Variants in MPHOSPH8 observed in about 807,000 individuals in gnomAD.
MPHOSPH8 encodes the protein M-phase phosphoprotein, mpp.
Under a neutral mutation model 87.3 loss-of-function variants are expected in MPHOSPH8, and 45 were observed. The ratio of observed to expected loss-of-function variants is 0.52; its 90% confidence interval spans 0.41 to 0.66. The LOEUF (loss-of-function observed/expected upper bound fraction) is 0.66, where lower values mean the gene tolerates loss of function less well. Ranked by LOEUF, MPHOSPH8 falls within the 30% of genes least tolerant of loss-of-function variation. MPHOSPH8 has a pLI of 0.00. For synonymous variants in MPHOSPH8, 366 were observed against 376.9 expected (o/e 0.97, Z 0.33); for missense variants, 883 against 1,020.2 (o/e 0.87, Z 1.83).
At chr13:19,658,434 C>T (rs1039739110) in intron 5 of MPHOSPH8, among the ~76,000 whole-genome samples, 7 of 150,844 alleles carry the variant, frequency 4.6e-5, no homozygotes, top group Non-Finnish European at 1.0e-4. Context: ...GTTCCCGTGC[C>T]TGTAGGTCCT....
chr13:19,665,124 T>A (rs754167250), intron 9 of MPHOSPH8, among the ~76,000 whole-genome samples: 2 of 151,556 alleles, frequency 1.3e-5, no homozygotes, highest in Non-Finnish European at 2.9e-5. Context: ...GCTCTGGAAG[T>A]GGGTTGGGGA....
Position 19,641,551 on chromosome 13 carries a change from C to T in MPHOSPH8, c.214-564C>T, listed in dbSNP as rs537360660. On this transcript the variant is annotated intron_variant, in intron 1 of 13. Transcript: ENST00000361479. ...TGTTGCTCAAGCTGGAGTGCAATGG[C>T]GTGTGATCTTGGCTCACTGCAACCT... 2.2e-3 allele frequency among the ~76,000 whole-genome samples: 286 copies of T among 127,960 alleles called. 1 individual carries two copies. Among genetic ancestry groups the T allele is most frequent in the Middle Eastern group, 6.9e-3 (1 of 144 alleles). The allele number at this position is 127,960 out of a possible 152,430, so 83.9% of individuals were successfully genotyped here.
At chr13:19,649,953 A>G (rs1874753699) in intron 4 of MPHOSPH8, 50 bp from the exon 5 acceptor site, 1 of 1,412,158 alleles carries the variant, frequency 7.1e-7, no homozygotes, top group Non-Finnish European at 9.6e-7. Flanking sequence ...TTTGAATGTA[A>G]CAGAAATTTG....
chr13:19,635,006 CA>C (rs1216650311), intron 1 of MPHOSPH8, among the ~76,000 whole-genome samples: 1 of 152,184 alleles, frequency 6.6e-6, no homozygotes, highest in Non-Finnish European at 1.5e-5. Flanking sequence ...TTAATTGAAG[CA>C]TACACAGTTG....
intron 1 of MPHOSPH8, among the ~76,000 whole-genome samples, chr13:19,640,671 G>A (rs539026091): frequency 4.6e-5 from 7 of 152,094 alleles, no homozygotes; most frequent in Admixed American, 1.3e-4. Flanking sequence ...ACGCCTGGCT[G>A]CCATCAACCC....
At chr13:19,667,084 C>T (rs1348160349) in intron 10 of MPHOSPH8, among the ~76,000 whole-genome samples, 2 of 152,098 alleles carry the variant, frequency 1.3e-5, no homozygotes, top group African/African-American at 4.8e-5. Context: ...ATCGCTTGAA[C>T]CCGGGAGGCG....
chr13:19,641,480 C>CTTTTT (rs869295535), intron 1 of MPHOSPH8, among the ~76,000 whole-genome samples: 1 of 72,256 alleles, frequency 1.4e-5, no homozygotes, highest in Non-Finnish European at 2.4e-5. Flanking sequence ...GTGCCACCAT[C>CTTTTT]TTTTTTTTTT....
At chr13:19,662,832 G>C (rs1027759875) in intron 8 of MPHOSPH8, among the ~76,000 whole-genome samples, 2 of 152,088 alleles carry the variant, frequency 1.3e-5, no homozygotes, top group Admixed American at 6.5e-5. Context: ...GGTTCCATTC[G>C]CAGTTGCTGG....
rs370105608 is a variant in MPHOSPH8 at position 19,636,021 on chromosome 13, C to T, written c.213+2060C>T. Among the ~76,000 whole-genome samples, 307 of 152,298 alleles carry T rather than the reference C, an allele frequency of 2.0e-3. 12 individuals carry two copies. The South Asian group carries it at 0.053, about 26-fold the overall frequency. On this transcript the variant is annotated intron_variant, in intron 1 of 13. Coordinates refer to ENST00000361479, the MANE Select transcript of MPHOSPH8 (RefSeq NM_017520.4). Reference sequence around the variant, plus strand: ...AAGGTGCCTGCTTCTCCTTTGCCTTCCGCCATGATTATAAGTTTCCTGAGG... The same window carrying T: ...AAGGTGCCTGCTTCTCCTTTGCCTTTCGCCATGATTATAAGTTTCCTGAGG...
intron 5 of MPHOSPH8, among the ~76,000 whole-genome samples, chr13:19,658,544 G>T (rs1350037893): frequency 6.6e-6 from 1 of 152,176 alleles, no homozygotes; most frequent in Non-Finnish European, 1.5e-5. Flanking sequence ...AGTCTGGAAG[G>T]ATCCATAAGC....
At chr13:19,665,960 C>T (rs1181308149) in intron 9 of MPHOSPH8, among the ~76,000 whole-genome samples, 2 of 152,054 alleles carry the variant, frequency 1.3e-5, no homozygotes, top group African/African-American at 4.8e-5. Context: ...TTTTGTGGTC[C>T]TGAGAGGTGT....
At chr13:19,644,967 TA>T (rs869031350) in intron 2 of MPHOSPH8, among the ~76,000 whole-genome samples, 47 of 151,930 alleles carry the variant, frequency 3.1e-4, no homozygotes, top group African/African-American at 1.1e-3. Flanking sequence ...CCTGGCTAAT[TA>T]AAAAAAAATT....
At chr13:19,671,002 G>C (rs1434520677) in intron 12 of MPHOSPH8, 19 of 1,244,446 alleles carry the variant, frequency 1.5e-5, no homozygotes, top group Non-Finnish European at 1.9e-5. Context: ...TGTATTTTTT[G>C]TAGAGATGGG....
chr13:19,642,192 G>A lies in MPHOSPH8; in HGVS notation c.291G>A (p.Glu97=), dbSNP rs1874330695. ...DDTWEPEIHL[E]DCKEVLLEFR... is the part of the protein sequence containing the mutation. ...CCTGGGAGCCCGAGATTCACCTGGA[G>A]GACTGTAAAGAAGTGCTTCTTGAAT... is the stretch of plus-strand genomic sequence containing the variant. The change falls in exon 2 of 14, where the codon GAG becomes GAA. Residue 97 remains glutamate, a synonymous_variant. Coordinates refer to ENST00000361479, the MANE Select transcript of MPHOSPH8 (RefSeq NM_017520.4). 1 of 1,612,238 alleles carries A rather than the reference G, an allele frequency of 6.2e-7. No individual in the cohort carries two copies.
Position 19,670,321 on chromosome 13 carries a change from A to C in MPHOSPH8, c.2415A>C (p.Gln805His). ...GGCTCTGTGGACCGTGTAGTGTACA[A>C]GCTGTAGTTCTGAATGATAAATTTC... ...IARLCGPCSV[Q>H]AVVLNDKFQL... Residue 805 changes from glutamine (Q) to histidine (H), a missense_variant, in exon 12 of 14, where the codon CAA becomes CAC. Transcript: ENST00000361479. 6.2e-7 allele frequency: 1 copy of C among 1,614,206 alleles called. No individual in the cohort carries two copies. The highest frequency in any genetic ancestry group is 2.2e-5 in the East Asian group (1 of 44,888).
chr13:19,662,235 G>A (rs1322229775), intron 8 of MPHOSPH8, among the ~76,000 whole-genome samples: 1 of 151,678 alleles, frequency 6.6e-6, no homozygotes, highest in Non-Finnish European at 1.5e-5. Context: ...CACCGCGCCT[G>A]GCTGTCACAC....
intron 13 of MPHOSPH8, 103 bp downstream of exon 13, chr13:19,671,392 C>A: frequency 9.9e-7 from 1 of 1,011,896 alleles, no homozygotes; most frequent in East Asian, 2.6e-5. Context: ...GTGTACCTGT[C>A]CTAGAGACAG....
chr13:19,638,068 T>C (rs1874095865), intron 1 of MPHOSPH8, among the ~76,000 whole-genome samples: 1 of 150,428 alleles, frequency 6.6e-6, no homozygotes, highest in South Asian at 2.1e-4. Context: ...GCCACTGCAG[T>C]CCAGCCTGGG....
intron 2 of MPHOSPH8, 35 bp downstream of exon 2, chr13:19,642,305 C>G (rs745332694): frequency 2.7e-6 from 4 of 1,490,140 alleles, no homozygotes; most frequent in Non-Finnish European, 1.8e-6. Context: ...TTTTTACATA[C>G]ATAAATTTAT....
Sources: allele counts gnomAD v4.1 joint callset (sites outside exome capture counted in the v4.1 genomes callset), GRCh38; gene constraint gnomAD v4.1.1; transcripts MANE v1.5; gene names NCBI Gene and HGNC (gene_info 2026-07-23, HGNC 2026-07-21).